PAWR: variants seen among roughly 807,000 people sequenced by gnomAD.
PAWR encodes pro-apoptotic WT1 regulator.
Under a neutral mutation model 32.0 loss-of-function variants are expected in PAWR, and 23 were observed. The ratio of observed to expected loss-of-function variants is 0.72; its 90% CI spans 0.52 to 1.02. The LOEUF is 1.02. PAWR is among the 50% of genes least tolerant of loss of function. The pLI is 0.00. For missense variants in PAWR, 457 were observed against 437.7 expected, an observed-to-expected ratio of 1.04 and a Z score of -0.39; for synonymous variants, 226 against 187.1, an observed-to-expected ratio of 1.21 and a Z score of -1.70.
intron 2 of PAWR, among the ~76,000 whole-genome samples, chr12:79,679,539 A>T (rs1878336507): frequency 6.6e-6 from 1 of 152,234 alleles, no homozygotes; most frequent in African/African-American, 2.4e-5. Context: ...AAGGTAAAGC[A>T]AAATTAAGGG....
intron 4 of PAWR, chr12:79,604,701 G>C (rs1323519617): frequency 1.6e-6 from 2 of 1,288,044 alleles, no homozygotes; most frequent in Non-Finnish European, 2.0e-6. Flanking sequence ...TCCTTGCTCT[G>C]TGTAGGGTTT....
chr12:79,614,902 A>T (rs1874653198), intron 3 of PAWR, among the ~76,000 whole-genome samples: 1 of 152,148 alleles, frequency 6.6e-6, no homozygotes, highest in African/African-American at 2.4e-5. Flanking sequence ...CGTAGCTAGG[A>T]GACTAGGAGA....
At chr12:79,615,443 T>C (rs1874681792) in intron 3 of PAWR, among the ~76,000 whole-genome samples, 1 of 152,192 alleles carries the variant, frequency 6.6e-6, no homozygotes. Flanking sequence ...TGAGCGACTG[T>C]GTATGTGGGC....
At chr12:79,682,777 T>G (rs1878504790) in intron 2 of PAWR, among the ~76,000 whole-genome samples, 1 of 152,220 alleles carries the variant, frequency 6.6e-6, no homozygotes, top group Non-Finnish European at 1.5e-5. Flanking sequence ...GCCTAAGATC[T>G]AAACAGAAAG....
chr12:79,678,029 G>A (rs895878416), intron 2 of PAWR, among the ~76,000 whole-genome samples: 1 of 152,016 alleles, frequency 6.6e-6, no homozygotes, highest in African/African-American at 2.4e-5. Flanking sequence ...AATTATTTTT[G>A]TCATCAAAAG....
chr12:79,607,481 C>T (rs925730716), intron 4 of PAWR, among the ~76,000 whole-genome samples: 2 of 152,068 alleles, frequency 1.3e-5, no homozygotes, highest in Non-Finnish European at 1.5e-5. Flanking sequence ...GTAATTCCAG[C>T]ACTTTGGGAG....
At position 79,676,380 on chromosome 12, in the gene PAWR, T is replaced by G. The variant is rs373375457; in HGVS notation, c.516+13349A>C. Among the ~76,000 whole-genome samples the G allele has an allele frequency of 8.5e-5, 13 of 152,244 alleles. 1 individual carries two copies. The highest frequency in any genetic ancestry group is 3.1e-4 in the African/African-American group (13 of 41,566). On this transcript the variant is annotated intron_variant, in intron 2 of 6. Transcript: ENST00000328827. ...TCAATCTTTCAAATTATCATGTGACTCAAGATAATAATAAGCTCCCCTATG... is the reference window on the plus strand; with the variant it reads ...TCAATCTTTCAAATTATCATGTGACGCAAGATAATAATAAGCTCCCCTATG...
chr12:79,651,488 C>T (rs1876842255), intron 2 of PAWR, among the ~76,000 whole-genome samples: 1 of 152,214 alleles, frequency 6.6e-6, no homozygotes, highest in South Asian at 2.1e-4. Flanking sequence ...TCTCCAAATA[C>T]AGCTGCCTCA....
In PAWR at chr12:79,596,634, ATCT is replaced by A. The variant is rs753546988; in HGVS notation, c.705_707del (p.Glu235del). Reference sequence around the variant, plus strand: ...CTGTTCGAGAATATCTACTTGAGACATCTTCTTCAGAGACACTGGTTGTGCTGT... The same window carrying A: ...CTGTTCGAGAATATCTACTTGAGACATCTTCAGAGACACTGGTTGTGCTGT... On this transcript the variant is annotated inframe_deletion, in exon 5 of 7. Transcript: ENST00000328827. The A allele has an allele frequency of 9.4e-6, 15 of 1,598,876 alleles. No homozygotes were observed. The highest frequency in any genetic ancestry group is 5.2e-5 in the Admixed American group (3 of 57,902).
chr12:79,632,553 G>A (rs1184977426), intron 2 of PAWR, among the ~76,000 whole-genome samples: 1 of 150,072 alleles, frequency 6.7e-6, no homozygotes, highest in East Asian at 2.0e-4. Context: ...TTAGTTTTTT[G>A]TAGAAATGGG....
intron 4 of PAWR, among the ~76,000 whole-genome samples, chr12:79,607,126 T>C (rs1436408208): frequency 6.6e-6 from 1 of 152,060 alleles, no homozygotes; most frequent in African/African-American, 2.4e-5. Context: ...TATCCTAATA[T>C]AGAAATAATA....
At chr12:79,643,432 C>T (rs921943420) in intron 2 of PAWR, among the ~76,000 whole-genome samples, 2 of 152,074 alleles carry the variant, frequency 1.3e-5, no homozygotes, top group African/African-American at 4.8e-5. Context: ...CTCAACAAAA[C>T]GTCCAGGTAC....
At chr12:79,659,430 C>T (rs1188004772) in intron 2 of PAWR, among the ~76,000 whole-genome samples, 1 of 152,078 alleles carries the variant, frequency 6.6e-6, no homozygotes, top group Non-Finnish European at 1.5e-5. Context: ...CATAAATAGG[C>T]TTTATTTGTT....
At chr12:79,636,688 A>C (rs2136758816) in intron 2 of PAWR, among the ~76,000 whole-genome samples, 1 of 152,276 alleles carries the variant, frequency 6.6e-6, no homozygotes, top group African/African-American at 2.4e-5. Flanking sequence ...AGTAAGTCTT[A>C]CAAATGAATG....
chr12:79,605,309 T>C (rs1050397467), intron 4 of PAWR, among the ~76,000 whole-genome samples: 2 of 152,106 alleles, frequency 1.3e-5, no homozygotes, highest in Non-Finnish European at 2.9e-5. Flanking sequence ...AGATCAAATA[T>C]ATCTGGCTGC....
At chr12:79,601,039 T>TATCACTATGTTAGAGAAGGTTG in intron 4 of PAWR, among the ~76,000 whole-genome samples, 1 of 152,096 alleles carries the variant, frequency 6.6e-6, no homozygotes, top group Admixed American at 6.6e-5. Flanking sequence ...ACACTTTGGG[T>TATCACTATGTTAGAGAAGGTTG]ATCACTATGT....
Position 79,591,001 on chromosome 12 carries a change from T to C in PAWR, c.*1606A>G, listed in dbSNP as rs921557399. On this transcript the variant is annotated 3_prime_UTR_variant, in exon 7 of 7. Coordinates refer to ENST00000328827, the MANE Select transcript of PAWR (RefSeq NM_002583.4). ...ATTATGTCAATTCCAGGGTGTTCAATGGAATAAAGAAACAGCAGCAGCTGC... is the reference window on the plus strand; with the variant it reads ...ATTATGTCAATTCCAGGGTGTTCAACGGAATAAAGAAACAGCAGCAGCTGC... 4 of 152,132 alleles carry C rather than the reference T, an allele frequency of 2.6e-5. No homozygotes were observed. Among genetic ancestry groups the C allele is most frequent in the Admixed American group, 6.5e-5 (1 of 15,274 alleles). The allele number at this position is 152,132 out of a possible 1,614,324, so 9.4% of individuals were successfully genotyped here.
intron 5 of PAWR, 124 bp downstream of exon 5, chr12:79,596,387 G>A (rs1250002935): frequency 3.6e-6 from 2 of 561,642 alleles, no homozygotes; most frequent in Non-Finnish European, 6.1e-6. Context: ...GGTAACAGTT[G>A]GCAGAAAAGC....
chr12:79,615,979 C>T (rs1874711877), intron 3 of PAWR, among the ~76,000 whole-genome samples: 1 of 150,266 alleles, frequency 6.7e-6, no homozygotes. Flanking sequence ...ACTGCTTGAA[C>T]TCAAGAGGCA....
Sources: gnomAD v4.1 joint callset for allele counts (sites outside exome capture counted in the v4.1 genomes callset) on GRCh38, gnomAD v4.1.1 for gene constraint, MANE v1.5 for transcripts, NCBI Gene and HGNC (gene_info 2026-07-23, HGNC 2026-07-21) for gene names.